The following AFG2A variants were observed in gnomAD, a reference collection of about 807,000 sequenced individuals.
The protein encoded by AFG2A is ATPase family gene 2 protein homolog A.
chr4:123,308,919 C>T, the AFG2A span, among the ~76,000 whole-genome samples: 3 of 152,122 alleles, frequency 2.0e-5, no homozygotes, highest in African/African-American at 4.8e-5. Flanking sequence ...ACTGGCCTTC[C>T]TTCTGTCTCT....
chr4:123,206,227 G>A, the AFG2A span, among the ~76,000 whole-genome samples: 1 of 151,894 alleles, frequency 6.6e-6, no homozygotes, highest in Admixed American at 6.6e-5. Flanking sequence ...TGTTTAAAAT[G>A]TTATGTTAAA....
the AFG2A span, among the ~76,000 whole-genome samples, chr4:123,048,673 A>AT: frequency 3.9e-5 from 6 of 152,010 alleles, no homozygotes; most frequent in Non-Finnish European, 8.8e-5. Flanking sequence ...TTTCAAATTA[A>AT]TTGCTATTGG....
At chr4:123,211,263 A>C in the AFG2A span, among the ~76,000 whole-genome samples, 1 of 152,270 alleles carries the variant, frequency 6.6e-6, no homozygotes, top group East Asian at 1.9e-4. Context: ...GTATCCCTTG[A>C]TACTCATCCA....
the AFG2A span, among the ~76,000 whole-genome samples, chr4:123,196,028 G>A: frequency 2.0e-5 from 3 of 150,090 alleles, no homozygotes; most frequent in Admixed American, 6.6e-5. Flanking sequence ...TTATTGAGAC[G>A]GAGTCTCTGT....
chr4:122,940,496 A>C, the AFG2A span, among the ~76,000 whole-genome samples: 1 of 151,690 alleles, frequency 6.6e-6, no homozygotes, highest in African/African-American at 2.4e-5. Context: ...TTTTTCTTGT[A>C]AATTTGTTTG....
chr4:123,085,635 T>C, the AFG2A span, among the ~76,000 whole-genome samples: 1 of 25,388 alleles, frequency 3.9e-5, no homozygotes, highest in Non-Finnish European at 1.6e-4. Context: ...TAGTTAGGTC[T>C]TATTTTTTTT....
the AFG2A span, among the ~76,000 whole-genome samples, chr4:123,004,155 G>A: frequency 7.2e-5 from 11 of 152,188 alleles, no homozygotes; most frequent in African/African-American, 2.2e-4. Context: ...TCCTAAGCCC[G>A]TTGGAAAAGG....
chr4:122,985,114 A>AT, the AFG2A span, among the ~76,000 whole-genome samples: 9 of 143,280 alleles, frequency 6.3e-5, no homozygotes, highest in African/African-American at 1.0e-4. Context: ...TTGTTGGAAA[A>AT]TTTTTTTTTT....
chr4:123,229,378 G>C, the AFG2A span, among the ~76,000 whole-genome samples: 1 of 151,990 alleles, frequency 6.6e-6, no homozygotes, highest in African/African-American at 2.4e-5. Flanking sequence ...GTTGAAGAGA[G>C]CATAGTATGT....
At chr4:123,224,996 G>A in the AFG2A span, among the ~76,000 whole-genome samples, 4 of 152,304 alleles carry the variant, frequency 2.6e-5, no homozygotes, top group African/African-American at 4.8e-5. Flanking sequence ...TCTTTTGGCT[G>A]CATAAATGTC....
chr4:123,097,242 A>T, the AFG2A span, among the ~76,000 whole-genome samples: 1 of 152,070 alleles, frequency 6.6e-6, no homozygotes, highest in Non-Finnish European at 1.5e-5. Context: ...TCGATATTCA[A>T]ATGACTAGTA....
the AFG2A span, among the ~76,000 whole-genome samples, chr4:122,961,104 C>T: frequency 6.6e-6 from 1 of 152,120 alleles, no homozygotes; most frequent in African/African-American, 2.4e-5. Context: ...ATATCCTCAC[C>T]AGCTAAGTAG....
At chr4:122,959,734 A>G in the AFG2A span, among the ~76,000 whole-genome samples, 1 of 151,408 alleles carries the variant, frequency 6.6e-6, no homozygotes, top group East Asian at 2.0e-4. Context: ...TAGATTGTAC[A>G]TGCCTTTTCA....
chr4:122,934,135 A>G, the AFG2A span: 4 of 1,613,334 alleles, frequency 2.5e-6, no homozygotes, highest in Non-Finnish European at 3.4e-6. Flanking sequence ...TCTGTATTGT[A>G]CATTCTATGG....
the AFG2A span, among the ~76,000 whole-genome samples, chr4:123,170,831 C>T: frequency 2.0e-5 from 3 of 151,892 alleles, no homozygotes; most frequent in South Asian, 4.2e-4. Context: ...TTTTGTTGGA[C>T]TTTTTCTCAC....
At chr4:122,960,081 T>C in the AFG2A span, among the ~76,000 whole-genome samples, 2 of 152,210 alleles carry the variant, frequency 1.3e-5, no homozygotes, top group Non-Finnish European at 2.9e-5. Flanking sequence ...TAATGTTTTG[T>C]AGTTCACCTT....
the AFG2A span, among the ~76,000 whole-genome samples, chr4:123,130,581 G>T: frequency 2.6e-5 from 4 of 152,022 alleles, no homozygotes; most frequent in African/African-American, 9.7e-5. Context: ...CTGTGTTACT[G>T]TATCAGTAGT....
the AFG2A span, among the ~76,000 whole-genome samples, chr4:123,227,042 G>T: frequency 6.6e-6 from 1 of 152,038 alleles, no homozygotes; most frequent in African/African-American, 2.4e-5. Context: ...TATTTCTGTG[G>T]GATCGGTGGT....
chr4:122,997,447 G>A, the AFG2A span, among the ~76,000 whole-genome samples: 1 of 152,144 alleles, frequency 6.6e-6, no homozygotes, highest in East Asian at 1.9e-4. Flanking sequence ...CCAGGTTCAT[G>A]CATGTTGCAG....
Sources: gnomAD v4.1 joint callset for allele counts (sites outside exome capture counted in the v4.1 genomes callset) on GRCh38, gnomAD v4.1.1 for gene constraint, MANE v1.5 for transcripts, NCBI Gene and HGNC (gene_info 2026-07-23, HGNC 2026-07-21) for gene names.